Variants in TBX21 observed in about 807,000 individuals in gnomAD.
The protein encoded by TBX21 is T-box transcription factor 21.
In TBX21, 11 loss-of-function variants were observed where a neutral mutation model predicts 52.2. The observed-to-expected ratio is 0.21, with a 90% CI of 0.13 to 0.35. The LOEUF is 0.35. Among genes scored for constraint, TBX21 ranks in the 10% least tolerant of loss-of-function variants. The pLI, the probability that TBX21 is intolerant of heterozygous loss-of-function variation, is 1.00. For synonymous variants in TBX21, 300 were observed against 316.1 expected (o/e 0.95, Z 0.54); for missense variants, 625 against 755.1 (o/e 0.83, Z 2.02).
At chr17:47,734,038 C>T (rs1195971383) in intron 1 of TBX21, 93 bp downstream of exon 1, 7 of 1,585,980 alleles carry the variant, frequency 4.4e-6, no homozygotes, top group Non-Finnish European at 6.0e-6. Context: ...GCTTCTGACT[C>T]CGTGTCCCTC....
intron 1 of TBX21, 60 bp downstream of exon 1, chr17:47,734,005 G>A: frequency 1.9e-6 from 3 of 1,609,296 alleles, no homozygotes; most frequent in Admixed American, 3.3e-5. Context: ...AGAACGTCTC[G>A]TCTGTTTTTC....
chr17:47,740,397 G>A (rs545198545), intron 1 of TBX21, among the ~76,000 whole-genome samples: 1 of 152,152 alleles, frequency 6.6e-6, no homozygotes, highest in African/African-American at 2.4e-5. Context: ...AGCTTTCAGA[G>A]GAAAGATGGA....
In TBX21 at chr17:47,745,552, T is replaced by C. The variant is rs969305867; in HGVS notation, c.*186T>C. 2.5e-5 allele frequency: 19 copies of C among 747,250 alleles called. No homozygotes were observed. In the South Asian group the frequency reaches 4.0e-4, roughly 16 times the overall value. The allele number at this position is 747,250 out of a possible 1,614,324, so 46.3% of individuals were successfully genotyped here. A position where few individuals can be genotyped will look rare whatever the true frequency, so the allele number is the denominator to read the frequency against. On this transcript the variant is annotated 3_prime_UTR_variant, in exon 6 of 6. Coordinates refer to ENST00000177694, the MANE Select transcript of TBX21 (RefSeq NM_013351.2). ...TCACCAGATGCTTCCTGGCCCACGA[T>C]GAAACCTGAGAGGGGTGTCCCCTTG...
chr17:47,733,499 C>A lies in TBX21; in HGVS notation c.45C>A (p.Thr15=), dbSNP rs1471542259. 2 of 1,494,432 alleles carry A rather than the reference C, an allele frequency of 1.3e-6. No individual in the cohort carries two copies. The highest frequency in any genetic ancestry group is 1.8e-6 in the Non-Finnish European group (2 of 1,128,006). The allele number at this position is 1,494,432 out of a possible 1,614,324, so 92.6% of individuals were successfully genotyped here. The change falls in exon 1 of 6, where the codon ACC becomes ACA. Residue 15 remains threonine, a synonymous_variant. Coordinates refer to ENST00000177694, the MANE Select transcript of TBX21 (RefSeq NM_013351.2). The surrounding 1 kb of genome is among the most constrained non-coding windows in gnomAD (Gnocchi z 6.6). ...EPGCGDMLTG[T]EPMPGSDEGR... ...GTTGCGGAGACATGCTGACGGGCACCGAGCCGATGCCGGGGAGCGACGAGG... is the reference window on the plus strand; with the variant it reads ...GTTGCGGAGACATGCTGACGGGCACAGAGCCGATGCCGGGGAGCGACGAGG...
chr17:47,734,440 TGGTGGTGGTAGC>T (rs977025507), intron 1 of TBX21, among the ~76,000 whole-genome samples: 4 of 151,696 alleles, frequency 2.6e-5, no homozygotes, highest in African/African-American at 9.7e-5. Flanking sequence ...GTGGTGGTAG[TGGTGGTGGTAGC>T]GGTGGTGGTG....
In TBX21 at chr17:47,745,106, C is replaced by A. The variant is rs201143567; in HGVS notation, c.1348C>A (p.Pro450Thr). Residue 450 changes from proline (P) to threonine (T), a missense_variant, in exon 6 of 6, where the codon CCT becomes ACT. Pro to Thr is a conservative substitution (Grantham distance 38). Around this residue, in one of 4 missense-constraint regions of TBX21, gnomAD observed 261 missense variants for 275.1 expected, o/e 0.95. Transcript: ENST00000177694. ...PKMGPASWFR[P>T]MRTLPMEPGP... ...GATGGGCCCGGCCAGCTGGTTCCGCCCTATGCGGACTCTGCCCATGGAACC... is the reference window on the plus strand; with the variant it reads ...GATGGGCCCGGCCAGCTGGTTCCGCACTATGCGGACTCTGCCCATGGAACC... The A allele has an allele frequency of 2.5e-6, 4 of 1,614,018 alleles. No individual in the cohort carries two copies. In the East Asian group the frequency reaches 8.9e-5, roughly 36 times the overall value.
Position 47,745,290 on chromosome 17 carries a change from G to A in TBX21, c.1532G>A (p.Ser511Asn). 6.2e-7 allele frequency: 1 copy of A among 1,614,102 alleles called. No individual in the cohort carries two copies. The highest frequency in any genetic ancestry group is 8.5e-7 in the Non-Finnish European group (1 of 1,179,990). Residue 511 changes from serine to asparagine, a missense_variant, in exon 6 of 6, where the codon AGC becomes AAC. By Grantham distance (46) the Ser-to-Asn change is conservative. Coordinates refer to ENST00000177694, the MANE Select transcript of TBX21 (RefSeq NM_013351.2). ...RVSPYPSSGD[S>N]SSPAGAPSPF... ...TCCCCCTATCCTTCCAGTGGTGACAGCTCCTCCCCTGCTGGGGCCCCTTCT... is the reference window on the plus strand; with the variant it reads ...TCCCCCTATCCTTCCAGTGGTGACAACTCCTCCCCTGCTGGGGCCCCTTCT...
At position 47,742,867 on chromosome 17, in the gene TBX21, C is replaced by T. The variant is rs1597985374; in HGVS notation, c.646+103C>T. The T allele has an allele frequency of 6.8e-7, 1 of 1,467,218 alleles. No homozygotes were observed. Among genetic ancestry groups the T allele is most frequent in the East Asian group, 2.5e-5 (1 of 40,734 alleles). The allele number at this position is 1,467,218 out of a possible 1,614,324, so 90.9% of individuals were successfully genotyped here. A position where few individuals can be genotyped will look rare whatever the true frequency, so the allele number is the denominator to read the frequency against. ...CCCTAATTCCTAGACCTTTAACCCCCTCCCACTCCATCCCACGCCATTGCA... is the reference window on the plus strand; with the variant it reads ...CCCTAATTCCTAGACCTTTAACCCCTTCCCACTCCATCCCACGCCATTGCA... On this transcript the variant is annotated intron_variant, in intron 2 of 5. Transcript: ENST00000177694. The surrounding 1 kb of genome is among the most constrained non-coding windows in gnomAD (Gnocchi z 4.4).
In TBX21 at chr17:47,743,085, G is replaced by A. The variant is rs372471618; in HGVS notation, c.661G>A (p.Val221Ile). The change falls in exon 3 of 6, where the codon GTC becomes ATC. Residue 221 changes from valine (V) to isoleucine (I), a missense_variant. By Grantham distance (29) the Val-to-Ile change is conservative. Coordinates refer to ENST00000177694, the MANE Select transcript of TBX21 (RefSeq NM_013351.2). ...EGSMPGNRLY[V>I]HPDSPNTGAH... The stretch of plus-strand genomic sequence containing the variant: ...ACTGTCCACAGGAAACCGCCTGTAC[G>A]TCCACCCGGACTCCCCCAACACAGG... The A allele has an allele frequency of 1.5e-5, 25 of 1,614,034 alleles. No individual in the cohort carries two copies. Among genetic ancestry groups the A allele is most frequent in the South Asian group, 9.9e-5 (9 of 91,086 alleles).
At chr17:47,741,555 C>G (rs967368966) in intron 1 of TBX21, among the ~76,000 whole-genome samples, 1 of 152,160 alleles carries the variant, frequency 6.6e-6, no homozygotes, top group African/African-American at 2.4e-5. Flanking sequence ...CCCTGTTCAA[C>G]TAGGATGTGT....
Position 47,742,833 on chromosome 17 carries a change from A to C in TBX21, c.646+69A>C. On this transcript the variant is annotated intron_variant, in intron 2 of 5. Coordinates refer to ENST00000177694, the MANE Select transcript of TBX21 (RefSeq NM_013351.2). The surrounding 1 kb of genome is among the most constrained non-coding windows in gnomAD (Gnocchi z 4.4). Reference sequence around the variant, plus strand: ...TGGGCGCCCCCTGGTGGGCCCACCAAGCCCCTACCCCTAATTCCTAGACCT... The same window carrying C: ...TGGGCGCCCCCTGGTGGGCCCACCACGCCCCTACCCCTAATTCCTAGACCT... 1.3e-6 allele frequency: 2 copies of C among 1,504,282 alleles called. No individual in the cohort carries two copies. The highest frequency in any genetic ancestry group is 1.8e-6 in the Non-Finnish European group (2 of 1,124,760). The allele number at this position is 1,504,282 out of a possible 1,614,324, so 93.2% of individuals were successfully genotyped here.
In TBX21 at chr17:47,733,954, G is replaced by T; in HGVS notation, c.491+9G>T. On this transcript the variant is annotated intron_variant, in intron 1 of 5. Coordinates refer to ENST00000177694, the MANE Select transcript of TBX21 (RefSeq NM_013351.2). This position sits in a 1 kb window ranked among gnomAD's most constrained non-coding sequence, Gnocchi z 6.6. ...ATCACCAAGCAGGGACGGTGAGTGCGGCGCGCCGGCCCTTGGGGCCTCTGT... is the reference window on the plus strand; with the variant it reads ...ATCACCAAGCAGGGACGGTGAGTGCTGCGCGCCGGCCCTTGGGGCCTCTGT... 1 of 1,612,948 alleles carries T rather than the reference G, an allele frequency of 6.2e-7. No individual in the cohort carries two copies. The highest frequency in any genetic ancestry group is 8.5e-7 in the Non-Finnish European group (1 of 1,179,586).
In TBX21 at chr17:47,733,539, G is replaced by T. The variant is rs1001468647; in HGVS notation, c.85G>T (p.Ala29Ser). The change falls in exon 1 of 6, where the codon GCC (alanine) becomes TCC (serine). Residue 29 changes from alanine to serine, a missense_variant. Ala to Ser is a moderately conservative substitution (Grantham distance 99). Coordinates refer to ENST00000177694, the MANE Select transcript of TBX21 (RefSeq NM_013351.2). The surrounding 1 kb of genome is among the most constrained non-coding windows in gnomAD (Gnocchi z 6.6). Reference sequence around the variant, plus strand: ...GAGCGACGAGGGCCGGGCGCCTGGCGCCGACCCGCAGCACCGCTACTTCTA... The same window carrying T: ...GAGCGACGAGGGCCGGGCGCCTGGCTCCGACCCGCAGCACCGCTACTTCTA... ...PGSDEGRAPG[A>S]DPQHRYFYPE... is the part of the protein sequence containing the mutation. 2 of 1,491,584 alleles carry T rather than the reference G, an allele frequency of 1.3e-6. No individual in the cohort carries two copies. The highest frequency in any genetic ancestry group is 5.8e-5 in the East Asian group (2 of 34,214). The allele number at this position is 1,491,584 out of a possible 1,614,324, so 92.4% of individuals were successfully genotyped here. A position where few individuals can be genotyped will look rare whatever the true frequency, so the allele number is the denominator to read the frequency against.
Position 47,742,021 on chromosome 17 carries a change from A to T in TBX21, c.492-589A>T, listed in dbSNP as rs1380283936. ...CGGAAGTAACCTCGACAGTGCAGAC[A>T]ATAGTAAAACGTAAAATAACTGGGC... On this transcript the variant is annotated intron_variant, in intron 1 of 5. Coordinates refer to ENST00000177694, the MANE Select transcript of TBX21 (RefSeq NM_013351.2). The surrounding 1 kb of genome is among the most constrained non-coding windows in gnomAD (Gnocchi z 4.4). 6.6e-6 allele frequency among the ~76,000 whole-genome samples: 1 copy of T among 152,048 alleles called. No individual in the cohort carries two copies. Among genetic ancestry groups the T allele is most frequent in the Non-Finnish European group, 1.5e-5 (1 of 68,004 alleles).
Position 47,733,386 on chromosome 17 carries a change from C to A in TBX21, c.-69C>A. 1 of 1,403,340 alleles carries A rather than the reference C, an allele frequency of 7.1e-7. No homozygotes were observed. 86.9% of individuals were successfully genotyped at this position (1,403,340 alleles called of 1,614,324 possible). On this transcript the variant is annotated 5_prime_UTR_variant, in exon 1 of 6. Transcript: ENST00000177694. The surrounding 1 kb of genome is among the most constrained non-coding windows in gnomAD (Gnocchi z 6.6). ...CCCCCTGCTCCCTGCCCATCCCAGC[C>A]CACGCGACCCTCTCGCGCGCGGAGG...
Position 47,733,596 on chromosome 17 carries a change from C to T in TBX21, c.142C>T (p.Arg48Cys), listed in dbSNP as rs1313923025. The change falls in exon 1 of 6, where the codon CGT (arginine) becomes TGT (cysteine). Residue 48 changes from arginine (R) to cysteine (C), a missense_variant. By Grantham distance (180) the Arg-to-Cys change is radical (BLOSUM62 -3). Around this residue, in one of 4 missense-constraint regions of TBX21, gnomAD observed 221 missense variants for 204.9 expected, o/e 1.08. Coordinates refer to ENST00000177694, the MANE Select transcript of TBX21 (RefSeq NM_013351.2). This position sits in a 1 kb window ranked among gnomAD's most constrained non-coding sequence, Gnocchi z 6.6. ...GCCGGGCGCGCAGGACGCGGACGAG[C>T]GTCGCGGGGGCGGCAGCCTGGGGTC... ...PEPGAQDADE[R>C]RGGGSLGSPY... 8.9e-6 allele frequency: 13 copies of T among 1,453,656 alleles called. No homozygotes were observed. The highest frequency in any genetic ancestry group is 1.1e-5 in the Non-Finnish European group (12 of 1,111,404). The allele number at this position is 1,453,656 out of a possible 1,614,324, so 90.0% of individuals were successfully genotyped here.
intron 1 of TBX21, among the ~76,000 whole-genome samples, chr17:47,738,703 C>T (rs1358547827): frequency 6.6e-6 from 1 of 151,844 alleles, no homozygotes; most frequent in African/African-American, 2.4e-5. Context: ...CAGGTTCAAG[C>T]GATTCTCCCA....
At chr17:47,744,386 G>A in intron 4 of TBX21, 33 bp downstream of exon 4, 1 of 1,614,048 alleles carries the variant, frequency 6.2e-7, no homozygotes, top group Non-Finnish European at 8.5e-7. Flanking sequence ...TGGGGAGGAG[G>A]GCAGAGTGGG....
chr17:47,744,379 G>C (rs1285389309), intron 4 of TBX21, 26 bp downstream of exon 4: 1 of 1,614,180 alleles, frequency 6.2e-7, no homozygotes, highest in Non-Finnish European at 8.5e-7. Flanking sequence ...GCCCCGGTGG[G>C]GAGGAGGGCA....
Sources: allele counts gnomAD v4.1 joint callset (sites outside exome capture counted in the v4.1 genomes callset), GRCh38; gene constraint gnomAD v4.1.1; regional missense constraint gnomAD v4.1.1; non-coding constraint Gnocchi (gnomAD v3.1); transcripts MANE v1.5; gene names NCBI Gene and HGNC (gene_info 2026-07-23, HGNC 2026-07-21).